The following TMIGD3 variants were observed in gnomAD, a reference collection of about 807,000 sequenced individuals.
TMIGD3 encodes the protein AD026 protein (AD026).
TMIGD3 carries 21 observed loss-of-function variants against 28.1 expected under a neutral mutation model. The observed-to-expected ratio is 0.75, with a 90% CI of 0.53 to 1.08. TMIGD3 has a LOEUF of 1.08. Ranked by LOEUF, TMIGD3 falls within the 50% of genes least tolerant of loss-of-function variation. The pLI, the probability that TMIGD3 is intolerant of heterozygous loss-of-function variation, is 0.00. For synonymous variants in TMIGD3, 151 were observed against 162.1 expected (o/e 0.93, Z 0.52); for missense variants, 416 against 435.6 (o/e 0.96, Z 0.40).
At chr1:111,484,391 GC>G (rs1189440943) in intron 5 of TMIGD3, among the ~76,000 whole-genome samples, 3 of 152,148 alleles carry the variant, frequency 2.0e-5, no homozygotes, top group African/African-American at 7.2e-5. Flanking sequence ...AAGGAAACAG[GC>G]CCAGAAAAGT....
intron 1 of TMIGD3, among the ~76,000 whole-genome samples, chr1:111,558,238 C>A (rs957293693): frequency 1.3e-5 from 2 of 152,050 alleles, no homozygotes; most frequent in African/African-American, 4.8e-5. Flanking sequence ...AGTGCAGTGG[C>A]GCAATCTTGG....
intron 1 of TMIGD3, among the ~76,000 whole-genome samples, chr1:111,542,965 G>A (rs963353966): frequency 3.3e-5 from 5 of 152,124 alleles, no homozygotes; most frequent in African/African-American, 1.2e-4. Context: ...CCAAAGTGCT[G>A]GGATTACAAG....
At position 111,489,582 on chromosome 1, in the gene TMIGD3, C is replaced by T. The variant is rs763815983; in HGVS notation, c.458-558G>A. On this transcript the variant is annotated intron_variant, in intron 2 of 5. Coordinates refer to ENST00000369716, the MANE Select transcript of TMIGD3 (RefSeq NM_020683.7). ...ACTAATAAAGCAACTCTGGAGAAGT[C>T]CTTTTCCCTGGCCTAAGGGTGGGTG... is the stretch of plus-strand genomic sequence containing the variant. 12 of 1,094,840 alleles carry T rather than the reference C, an allele frequency of 1.1e-5. No homozygotes were observed. In the Admixed American group the frequency reaches 2.3e-4, roughly 21 times the overall value. The allele number at this position is 1,094,840 out of a possible 1,614,324, so 67.8% of individuals were successfully genotyped here. A position where few individuals can be genotyped will look rare whatever the true frequency, so the allele number is the denominator to read the frequency against.
chr1:111,538,000 C>T (rs1017274596), intron 1 of TMIGD3, among the ~76,000 whole-genome samples: 173 of 152,166 alleles, frequency 1.1e-3, no homozygotes, highest in African/African-American at 3.8e-3. Flanking sequence ...AATACTTAAG[C>T]ATTTAGGATA....
chr1:111,483,363 C>A lies in TMIGD3; in HGVS notation c.*324G>T. ...TACCTTGGAGTTCATTCAACACTGG[C>A]TAGGAATTTATTGGCTAACAAAATA... is the stretch of plus-strand genomic sequence containing the variant. On this transcript the variant is annotated 3_prime_UTR_variant, in exon 6 of 6. Transcript: ENST00000369716. The A allele has an allele frequency of 3.3e-6, 1 of 306,306 alleles. No homozygotes were observed. The highest frequency in any genetic ancestry group is 2.2e-5 in the African/African-American group (1 of 45,612). 19.0% of individuals were successfully genotyped at this position (306,306 alleles called of 1,614,324 possible). A position where few individuals can be genotyped will look rare whatever the true frequency, so the allele number is the denominator to read the frequency against.
At chr1:111,504,452 G>C (rs1191107721), upstream of TMIGD3, among the ~76,000 whole-genome samples, 1 of 152,212 alleles carries the variant, frequency 6.6e-6, no homozygotes, top group Non-Finnish European at 1.5e-5. Flanking sequence ...CCCTGAAGCT[G>C]CTTACCTAGT....
intron 1 of TMIGD3, among the ~76,000 whole-genome samples, chr1:111,562,205 C>G (rs2789549): frequency 0.91 from 137,864 of 152,092 alleles, 62,558 homozygotes; most frequent in East Asian, 0.95. Flanking sequence ...TGTGAAATTT[C>G]TTCTGACCCC....
intron 1 of TMIGD3, among the ~76,000 whole-genome samples, chr1:111,517,007 G>A (rs556081636): frequency 2.6e-5 from 4 of 152,144 alleles, no homozygotes; most frequent in Non-Finnish European, 5.9e-5. Flanking sequence ...GGTTCTGCTG[G>A]CTTCTCAGTC....
At chr1:111,558,817 T>C (rs1031354000) in intron 1 of TMIGD3, among the ~76,000 whole-genome samples, 3 of 152,192 alleles carry the variant, frequency 2.0e-5, no homozygotes, top group Non-Finnish European at 2.9e-5. Context: ...GATTCTAGCA[T>C]ACCTCTTTCA....
intron 1 of TMIGD3, among the ~76,000 whole-genome samples, chr1:111,509,923 A>G (rs768053696): frequency 3.3e-5 from 5 of 152,252 alleles, no homozygotes; most frequent in African/African-American, 7.2e-5. Context: ...ACAGCAGCAA[A>G]TGGCAGAGCT....
At chr1:111,534,712 G>T (rs1432502248) in intron 1 of TMIGD3, among the ~76,000 whole-genome samples, 1 of 152,130 alleles carries the variant, frequency 6.6e-6, no homozygotes, top group Non-Finnish European at 1.5e-5. Context: ...TGATGTAAAT[G>T]TAAAATCAAG....
At chr1:111,563,922 G>T in exon 1 of TMIGD3, 1 of 1,613,766 alleles carries the variant, frequency 6.2e-7, no homozygotes. Flanking sequence ...GCCTCCTTCT[G>T]CTCAATGGGT....
intron 1 of TMIGD3, among the ~76,000 whole-genome samples, chr1:111,542,696 GT>G (rs66509119): frequency 0.91 from 136,159 of 150,256 alleles, 62,736 homozygotes; most frequent in Non-Finnish European, 0.99. Context: ...TTTTGTTTTT[GT>G]TTTTTTTTTC....
At position 111,530,907 on chromosome 1, in the gene TMIGD3, A is replaced by G. The variant is rs1656437314; in HGVS notation, c.107+32939T>C. ...AAATTCCTCAACCATTACTTCTTCA[A>G]ACATTTTTGCTGTCCATCCCTATTT... is the stretch of plus-strand genomic sequence containing the variant. On this transcript the variant is annotated intron_variant, in intron 1 of 5. Transcript: ENST00000369717. Among the ~76,000 whole-genome samples, 3 of 152,190 alleles carry G rather than the reference A, an allele frequency of 2.0e-5. No individual in the cohort carries two copies. In the South Asian group the frequency reaches 6.2e-4, roughly 31 times the overall value.
At chr1:111,501,980 G>A (rs933545358) in intron 1 of TMIGD3, among the ~76,000 whole-genome samples, 1 of 146,288 alleles carries the variant, frequency 6.8e-6, no homozygotes, top group Non-Finnish European at 1.5e-5. Context: ...CATCTCAGGA[G>A]GAGGAGGAAA....
intron 1 of TMIGD3, among the ~76,000 whole-genome samples, chr1:111,513,183 G>A (rs186130824): frequency 6.6e-6 from 1 of 152,320 alleles, no homozygotes; most frequent in Non-Finnish European, 1.5e-5. Context: ...AGTATTCAGA[G>A]CAATAATCAC....
At chr1:111,553,030 G>A (rs542486815) in intron 1 of TMIGD3, among the ~76,000 whole-genome samples, 4 of 152,332 alleles carry the variant, frequency 2.6e-5, no homozygotes, top group African/African-American at 7.2e-5. Flanking sequence ...TGGAACTTAC[G>A]TGAAATGTCC....
upstream of TMIGD3, chr1:111,504,971 C>G (rs766330088): frequency 3.5e-5 from 34 of 985,194 alleles, no homozygotes; most frequent in Non-Finnish European, 3.6e-5. Flanking sequence ...TTTCCAATGT[C>G]AGTTCTGCCC....
rs755068695 is a variant in TMIGD3 at position 111,488,885 on chromosome 1, G to A, written c.597C>T (p.Ile199=). Reference sequence around the variant, plus strand: ...GATTGGTGCTGTTAGGGGAGAAGGCGATGATGTTGCAGTAGTCACGGAAAT... The same window carrying A: ...GATTGGTGCTGTTAGGGGAGAAGGCAATGATGTTGCAGTAGTCACGGAAAT... ...RGYFRDYCNI[I]AFSPNSTNHV... Residue 199 remains isoleucine, a synonymous_variant, in exon 3 of 6, where the codon ATC becomes ATT. Coordinates refer to ENST00000369716, the MANE Select transcript of TMIGD3 (RefSeq NM_020683.7). 17 of 1,614,078 alleles carry A rather than the reference G, an allele frequency of 1.1e-5. No homozygotes were observed. Among genetic ancestry groups the A allele is most frequent in the East Asian group, 2.2e-5 (1 of 44,898 alleles).
Sources: gnomAD v4.1 joint callset for allele counts (sites outside exome capture counted in the v4.1 genomes callset) on GRCh38, gnomAD v4.1.1 for gene constraint, MANE v1.5 for transcripts, NCBI Gene and HGNC (gene_info 2026-07-23, HGNC 2026-07-21) for gene names.